CCDC178: variants seen among roughly 807,000 people sequenced by gnomAD.
CCDC178 encodes the protein coiled-coil domain-containing protein 178.
Under a neutral mutation model 117.4 loss-of-function variants are expected in CCDC178, and 126 were observed. The ratio of observed to expected loss-of-function variants is 1.07; its 90% CI spans 0.93 to 1.24. CCDC178 has a LOEUF of 1.24. Among genes scored for constraint, CCDC178 ranks in the 50% most tolerant of loss-of-function variants. The probability of loss-of-function intolerance (pLI) is 0.00; values close to 1 mark genes in which losing one functional copy is unlikely to be tolerated. For missense variants in CCDC178, 1,030 were observed against 986.9 expected (o/e 1.04, Z -0.59); for synonymous variants, 283 against 313.4 (o/e 0.90, Z 1.02).
rs912384983 is a variant in CCDC178, at chr18:33,355,116, A to G, written c.371+1208T>C. Among the ~76,000 whole-genome samples, 10 of 152,098 alleles carry G rather than the reference A, an allele frequency of 6.6e-5. No homozygotes were observed. The East Asian group carries it at 7.7e-4, about 12-fold the overall frequency. On this transcript the variant is annotated intron_variant, in intron 7 of 22. Coordinates refer to ENST00000383096, the MANE Select transcript of CCDC178 (RefSeq NM_001105528.4). ...AGTTTATGTTAATTTATCCTTTTTC[A>G]CTGTGAATGACCCAAGCTTTCTTTT...
At chr18:33,106,589 G>T (rs1389481878) in intron 20 of CCDC178, among the ~76,000 whole-genome samples, 1 of 151,656 alleles carries the variant, frequency 6.6e-6, no homozygotes, top group African/African-American at 2.4e-5. Flanking sequence ...CTGGGATCAA[G>T]CTAACCCTTC....
At chr18:33,254,091 T>G (rs1417446637) in intron 14 of CCDC178, among the ~76,000 whole-genome samples, 1 of 151,850 alleles carries the variant, frequency 6.6e-6, no homozygotes, top group African/African-American at 2.4e-5. Context: ...ATCATTAGTC[T>G]TGCTTTGGAA....
intron 12 of CCDC178, among the ~76,000 whole-genome samples, chr18:33,285,479 C>T (rs2060087653): frequency 6.6e-6 from 1 of 152,064 alleles, no homozygotes; most frequent in Non-Finnish European, 1.5e-5. Flanking sequence ...TTTTGTAAAG[C>T]TGGCATAATC....
rs140496575 is a variant in CCDC178, at chr18:33,349,372, T to C, written c.372-397A>G. Among the ~76,000 whole-genome samples, 1,455 of 152,004 alleles carry C rather than the reference T, an allele frequency of 9.6e-3. 22 individuals are homozygous for C. The highest frequency in any genetic ancestry group is 0.033 in the African/African-American group (1,377 of 41,542). The stretch of plus-strand genomic sequence containing the variant: ...TAAATTACAATGAGTAAAAATATCA[T>C]TTCAGATAATAAACTTTTAGAAAAA... On this transcript the variant is annotated intron_variant, in intron 7 of 22. Coordinates refer to ENST00000383096, the MANE Select transcript of CCDC178 (RefSeq NM_001105528.4).
Position 33,267,222 on chromosome 18 carries a change from C to G in CCDC178, c.1252G>C (p.Val418Leu). Residue 418 changes from valine (V) to leucine (L), a missense_variant, in exon 13 of 23, where the codon GTT becomes CTT. Val to Leu is a conservative substitution (Grantham distance 32, BLOSUM62 1). Transcript: ENST00000383096. ...CTTACTGCAGCATAAAAATCATTAA[C>G]TGCTTCCAGATACTGATTTTCATGA... ...KSHENQYLEA[V>L]NDFYAAKKTW... The G allele has an allele frequency of 6.3e-7, 1 of 1,599,200 alleles. No homozygotes were observed. The highest frequency in any genetic ancestry group is 8.5e-7 in the Non-Finnish European group (1 of 1,175,694).
chr18:33,428,030 T>C (rs1332244069), intron 2 of CCDC178, among the ~76,000 whole-genome samples: 1 of 152,228 alleles, frequency 6.6e-6, no homozygotes, highest in African/African-American at 2.4e-5. Flanking sequence ...TTTGATAAAT[T>C]TGAAGCTTCA....
chr18:33,132,696 C>T (rs2073394897), intron 20 of CCDC178, among the ~76,000 whole-genome samples: 2 of 151,570 alleles, frequency 1.3e-5, no homozygotes, highest in African/African-American at 4.8e-5. Context: ...TTGTTAAGAA[C>T]AACAAACACA....
intron 14 of CCDC178, among the ~76,000 whole-genome samples, chr18:33,252,687 T>G (rs1163298037): frequency 6.6e-6 from 1 of 151,758 alleles, no homozygotes; most frequent in African/African-American, 2.4e-5. Context: ...CGAATTGCTA[T>G]CTCTACAAAT....
chr18:33,372,829 A>T (rs2063317815), intron 5 of CCDC178, among the ~76,000 whole-genome samples: 1 of 152,168 alleles, frequency 6.6e-6, no homozygotes, highest in Non-Finnish European at 1.5e-5. Flanking sequence ...CAATAATTCA[A>T]CATTTTATCA....
chr18:33,380,113 C>A (rs1228696182), intron 5 of CCDC178, among the ~76,000 whole-genome samples: 1 of 152,072 alleles, frequency 6.6e-6, no homozygotes, highest in Non-Finnish European at 1.5e-5. Flanking sequence ...CTCAGGAGAT[C>A]AGGATGGGGC....
chr18:33,269,452 T>C (rs918936579), intron 12 of CCDC178, among the ~76,000 whole-genome samples: 1 of 151,812 alleles, frequency 6.6e-6, no homozygotes, highest in African/African-American at 2.4e-5. Flanking sequence ...CACCTCCTGC[T>C]GATCTTGAGG....
intron 20 of CCDC178, among the ~76,000 whole-genome samples, chr18:33,157,514 G>A (rs976494848): frequency 6.6e-6 from 1 of 152,042 alleles, no homozygotes; most frequent in Non-Finnish European, 1.5e-5. Context: ...TGTATTTTAA[G>A]TCACTTTTAA....
rs535036307 is a variant in CCDC178, at chr18:33,234,552, G to A, written c.1594-7697C>T. Among the ~76,000 whole-genome samples the A allele has an allele frequency of 3.9e-5, 6 of 152,186 alleles. No homozygotes were observed. The South Asian group carries it at 1.2e-3, about 32-fold the overall frequency. On this transcript the variant is annotated intron_variant, in intron 15 of 22. Transcript: ENST00000383096. ...GCTTAACTCAGAGAGAAATAAGAAA[G>A]TGTAGGGAACTCTTAATTATTAATT...
rs202090470 is a variant in CCDC178, at chr18:33,272,870, A to C, written c.1177-5573T>G. On this transcript the variant is annotated intron_variant, in intron 12 of 22. Coordinates refer to ENST00000383096, the MANE Select transcript of CCDC178 (RefSeq NM_001105528.4). The stretch of plus-strand genomic sequence containing the variant: ...ACCCTTTTGTAATAAAAAATTCAGT[A>C]AACTAACAATAAAGGGAAATTTTCT... Among the ~76,000 whole-genome samples, 77 of 151,480 alleles carry C rather than the reference A, an allele frequency of 5.1e-4. No individual in the cohort carries two copies. The South Asian group carries it at 0.015, about 30-fold the overall frequency.
intron 20 of CCDC178, among the ~76,000 whole-genome samples, chr18:33,174,880 G>T (rs1026114086): frequency 1.3e-5 from 2 of 151,846 alleles, no homozygotes; most frequent in Non-Finnish European, 2.9e-5. Context: ...TTGAGATGGA[G>T]TCTTACTCTT....
chr18:33,015,130 CCTG>C (rs2055955187), intron 21 of CCDC178, among the ~76,000 whole-genome samples: 4 of 151,714 alleles, frequency 2.6e-5, no homozygotes, highest in African/African-American at 9.7e-5. Flanking sequence ...GTGGTGGGTG[CCTG>C]TAATCCCAGC....
In CCDC178 at chr18:33,381,047, C is replaced by T. The variant is rs142015778; in HGVS notation, c.208+8493G>A. ...GGAACAGTTAAATCACATCTGAATC[C>T]TCCACCTTCTCATTCAAGTTCCTAC... On this transcript the variant is annotated intron_variant, in intron 5 of 22. Coordinates refer to ENST00000383096, the MANE Select transcript of CCDC178 (RefSeq NM_001105528.4). Among the ~76,000 whole-genome samples, 14 of 152,250 alleles carry T rather than the reference C, an allele frequency of 9.2e-5. No individual in the cohort carries two copies. The East Asian group carries it at 2.7e-3, about 29-fold the overall frequency.
At chr18:33,073,954 T>G (rs921436813) in intron 21 of CCDC178, among the ~76,000 whole-genome samples, 21 of 152,198 alleles carry the variant, frequency 1.4e-4, no homozygotes, top group South Asian at 4.1e-4. Context: ...TGAAAATTTT[T>G]GGGAATATAT....
chr18:33,412,074 C>A lies in CCDC178; in HGVS notation c.15G>T (p.Lys5Asn), dbSNP rs1336690370. The A allele has an allele frequency of 6.7e-7, 1 of 1,492,370 alleles. No individual in the cohort carries two copies. The highest frequency in any genetic ancestry group is 9.3e-7 in the Non-Finnish European group (1 of 1,080,888). The allele number at this position is 1,492,370 out of a possible 1,614,324, so 92.4% of individuals were successfully genotyped here. MTEN[K>N]TVSSSSTRDD... Reference sequence around the variant, plus strand: ...CTCTAGTGGAAGAAGAGGAAACTGTCTTGTTTTCAGTCATAGTTATAAGAA... The same window carrying A: ...CTCTAGTGGAAGAAGAGGAAACTGTATTGTTTTCAGTCATAGTTATAAGAA... The change falls in exon 3 of 23, where the codon AAG (lysine) becomes AAT (asparagine). Residue 5 changes from lysine to asparagine, a missense_variant. By Grantham distance (94) the Lys-to-Asn change is moderately conservative. Transcript: ENST00000383096.
Sources: allele counts gnomAD v4.1 joint callset (sites outside exome capture counted in the v4.1 genomes callset), GRCh38; gene constraint gnomAD v4.1.1; transcripts MANE v1.5; gene names NCBI Gene and HGNC (gene_info 2026-07-23, HGNC 2026-07-21).